ACSM2A: variants seen among roughly 807,000 people sequenced by gnomAD.
ACSM2A encodes the protein acyl-coenzyme A synthetase ACSM2A, mitochondrial.
In ACSM2A, 72 loss-of-function variants were observed where a neutral mutation model predicts 76.6. The ratio of observed to expected loss-of-function variants is 0.94; its 90% confidence interval spans 0.78 to 1.14. The LOEUF (loss-of-function observed/expected upper bound fraction) is 1.14. ACSM2A is among the 50% of genes most tolerant of loss of function. ACSM2A has a pLI of 0.00. For synonymous variants in ACSM2A, 249 were observed against 255.9 expected, an observed-to-expected ratio of 0.97 and a Z score of 0.26; for missense variants, 684 against 708.5, an observed-to-expected ratio of 0.97 and a Z score of 0.39.
intron 2 of ACSM2A, among the ~76,000 whole-genome samples, chr16:20,464,795 C>T (rs902619495): frequency 8.6e-5 from 13 of 152,030 alleles, no homozygotes; most frequent in Non-Finnish European, 1.2e-4. Context: ...GAGGGGATGA[C>T]GGGTGATTGT....
chr16:20,483,046 T>C lies in ACSM2A; in HGVS notation c.1510-12T>C, dbSNP rs750849665. 1.2e-6 allele frequency: 2 copies of C among 1,613,202 alleles called. No individual in the cohort carries two copies. Among genetic ancestry groups the C allele is most frequent in the Admixed American group, 1.7e-5 (1 of 59,968 alleles). Reference sequence around the variant, plus strand: ...TCTAATCCCTTCTCTCTGGCCTTCATCTTTTTTGCAGGTGGTGAAGGCATT... The same window carrying C: ...TCTAATCCCTTCTCTCTGGCCTTCACCTTTTTTGCAGGTGGTGAAGGCATT... On this transcript the variant is annotated splice_polypyrimidine_tract_variant and intron_variant, in intron 12 of 13. Transcript: ENST00000573854.
intron 13 of ACSM2A, among the ~76,000 whole-genome samples, chr16:20,484,724 T>A (rs952473957): frequency 7.1e-6 from 1 of 140,850 alleles, no homozygotes; most frequent in African/African-American, 3.2e-5. Flanking sequence ...CCTTTCAGTG[T>A]TGTCCTAAGG....
At chr16:20,459,966 G>T (rs1334045841) in intron 1 of ACSM2A, 141 bp from the exon 2 acceptor site, 2 of 1,389,428 alleles carry the variant, frequency 1.4e-6, no homozygotes, top group Non-Finnish European at 1.9e-6. Context: ...CAGATGCTGA[G>T]TGCCAATTTA....
At chr16:20,465,411 A>C (rs1443744871) in intron 2 of ACSM2A, 106 bp from the exon 3 acceptor site, 3 of 1,443,642 alleles carry the variant, frequency 2.1e-6, no homozygotes, top group Non-Finnish European at 2.8e-6. Flanking sequence ...AGGTGCTGAG[A>C]TAAAAAACCT....
chr16:20,476,229 C>A, intron 8 of ACSM2A: 3 of 999,132 alleles, frequency 3.0e-6, no homozygotes, highest in Non-Finnish European at 3.6e-6. Flanking sequence ...CATGACTTTA[C>A]TGCACCTCCT....
chr16:20,473,344 T>G (rs1243878494), intron 6 of ACSM2A, among the ~76,000 whole-genome samples: 6 of 151,986 alleles, frequency 3.9e-5, no homozygotes, highest in African/African-American at 1.2e-4. Flanking sequence ...ATTAAAAAAA[T>G]GAAAACAGAC....
intron 13 of ACSM2A, among the ~76,000 whole-genome samples, chr16:20,485,551 C>G (rs1262850534): frequency 6.6e-6 from 1 of 152,188 alleles, no homozygotes; most frequent in Non-Finnish European, 1.5e-5. Flanking sequence ...TTTGCCCATG[C>G]AATGCTAAAG....
chr16:20,465,468 C>T, intron 2 of ACSM2A, 49 bp from the exon 3 acceptor site: 1 of 1,597,702 alleles, frequency 6.3e-7, no homozygotes, highest in Non-Finnish European at 8.6e-7. Context: ...TTTATCCTAC[C>T]TGCTTGTGTA....
chr16:20,461,994 C>T (rs2012651769), intron 2 of ACSM2A, among the ~76,000 whole-genome samples: 1 of 152,104 alleles, frequency 6.6e-6, no homozygotes, highest in Admixed American at 6.5e-5. Context: ...TCTTCAAGTG[C>T]TGAGTTTGTT....
intron 1 of ACSM2A, among the ~76,000 whole-genome samples, chr16:20,459,879 T>C (rs939056404): frequency 6.6e-6 from 1 of 152,160 alleles, no homozygotes. Flanking sequence ...GTCAGAAGTG[T>C]TGAAGATGTG....
At position 20,469,737 on chromosome 16, in the gene ACSM2A, T is replaced by C; in HGVS notation, c.596+18T>C. 1 of 1,613,538 alleles carries C rather than the reference T, an allele frequency of 6.2e-7. No individual in the cohort carries two copies. The highest frequency in any genetic ancestry group is 8.5e-7 in the Non-Finnish European group (1 of 1,179,572). The stretch of plus-strand genomic sequence containing the variant: ...CTACTAAAGTGAGTATCTACATGTC[T>C]CAGCCTGGGTTTTAACTAAAACTGG... On this transcript the variant is annotated intron_variant, in intron 4 of 13. Transcript: ENST00000573854.
At chr16:20,459,769 G>A (rs1417466250) in intron 1 of ACSM2A, among the ~76,000 whole-genome samples, 1 of 152,118 alleles carries the variant, frequency 6.6e-6, no homozygotes, top group African/African-American at 2.4e-5. Context: ...ATCCTAGAAT[G>A]GAAAGGGAGT....
At chr16:20,456,548 G>T (rs998853405) in intron 1 of ACSM2A, among the ~76,000 whole-genome samples, 2 of 151,916 alleles carry the variant, frequency 1.3e-5, no homozygotes, top group African/African-American at 4.8e-5. Context: ...GTTCCTGAAT[G>T]ATCATTGGAT....
chr16:20,482,475 G>A (rs2014141758), intron 12 of ACSM2A: 4 of 152,322 alleles, frequency 2.6e-5, no homozygotes. Flanking sequence ...GGGATGTGTG[G>A]ATCAGTGTCC....
At chr16:20,482,045 G>A (rs2014113810) in intron 12 of ACSM2A, 1 of 129,716 alleles carries the variant, frequency 7.7e-6, no homozygotes, top group Non-Finnish European at 1.6e-5. Context: ...TGCGGCAGGA[G>A]AATCACATGA....
intron 3 of ACSM2A, among the ~76,000 whole-genome samples, chr16:20,468,784 T>A (rs1297073775): frequency 6.6e-6 from 1 of 152,222 alleles, no homozygotes; most frequent in East Asian, 1.9e-4. Context: ...GTGCAAGGAA[T>A]AAGTCTAATG....
At chr16:20,464,169 C>T (rs534376296) in intron 2 of ACSM2A, among the ~76,000 whole-genome samples, 1 of 152,300 alleles carries the variant, frequency 6.6e-6, no homozygotes, top group Non-Finnish European at 1.5e-5. Flanking sequence ...TAACCAGTGC[C>T]TAAGACGTTC....
intron 12 of ACSM2A, chr16:20,482,810 A>G (rs889901516): frequency 2.2e-5 from 8 of 370,984 alleles, no homozygotes; most frequent in South Asian, 5.6e-5. Flanking sequence ...ATCTGTCTCT[A>G]TTGTTATTGG....
chr16:20,455,425 C>A (rs2012088006), intron 1 of ACSM2A, among the ~76,000 whole-genome samples: 1 of 151,362 alleles, frequency 6.6e-6, no homozygotes, highest in South Asian at 2.1e-4. Context: ...TAAAGGAAAA[C>A]CTGTCAGATT....
Sources: gnomAD v4.1 joint callset for allele counts (sites outside exome capture counted in the v4.1 genomes callset) on GRCh38, gnomAD v4.1.1 for gene constraint, MANE v1.5 for transcripts, NCBI Gene and HGNC (gene_info 2026-07-23, HGNC 2026-07-21) for gene names.